KCNT2: variants seen among roughly 807,000 people sequenced by gnomAD.
The protein encoded by KCNT2 is potassium channel subfamily T member 2.
In KCNT2, 67 loss-of-function variants were observed where a neutral mutation model predicts 153.8. That is an observed-to-expected ratio of 0.44 (90% CI 0.36 to 0.53). The LOEUF (loss-of-function observed/expected upper bound fraction) is 0.53. Among genes scored for constraint, KCNT2 ranks in the 20% least tolerant of loss-of-function variants. The pLI, the probability that KCNT2 is intolerant of heterozygous loss-of-function variation, is 0.00. For synonymous variants in KCNT2, 500 were observed against 458.8 expected (o/e 1.09, Z -1.15); for missense variants, 975 against 1,354.8 (o/e 0.72, Z 4.40).
chr1:196,305,087 T>G, intron 22 of KCNT2, 147 bp downstream of exon 22: 1 of 605,860 alleles, frequency 1.7e-6, no homozygotes. Flanking sequence ...TTTAAAAAAA[T>G]TATCAATTAG....
At chr1:196,333,698 GT>G (rs1558157548) in intron 17 of KCNT2, 148 bp downstream of exon 17, 1 of 606,340 alleles carries the variant, frequency 1.6e-6, no homozygotes, top group Non-Finnish European at 2.9e-6. Flanking sequence ...CTAGCAGTGC[GT>G]TTTGGTAGAA....
intron 8 of KCNT2, among the ~76,000 whole-genome samples, chr1:196,456,467 T>C (rs1389973593): frequency 1.3e-5 from 2 of 152,052 alleles, no homozygotes; most frequent in African/African-American, 4.8e-5. Flanking sequence ...TTTACTTCTA[T>C]ATATGTCTTA....
chr1:196,567,861 C>A (rs1660298756), intron 1 of KCNT2, among the ~76,000 whole-genome samples: 1 of 152,188 alleles, frequency 6.6e-6, no homozygotes, highest in African/African-American at 2.4e-5. Flanking sequence ...CTTTCTTTAT[C>A]CAATACTTTG....
At chr1:196,233,616 A>T (rs1654151000) in intron 27 of KCNT2, among the ~76,000 whole-genome samples, 1 of 151,484 alleles carries the variant, frequency 6.6e-6, no homozygotes, top group Non-Finnish European at 1.5e-5. Context: ...TGCTTTCTAG[A>T]CATTTCCTCT....
chr1:196,604,214 A>G (rs527743500), intron 1 of KCNT2, among the ~76,000 whole-genome samples: 1 of 152,340 alleles, frequency 6.6e-6, no homozygotes, highest in Non-Finnish European at 1.5e-5. Flanking sequence ...GAAATTCTAT[A>G]AGGACATCAT....
intron 1 of KCNT2, among the ~76,000 whole-genome samples, chr1:196,493,142 G>T (rs1039808631): frequency 6.6e-6 from 1 of 152,044 alleles, no homozygotes; most frequent in Non-Finnish European, 1.5e-5. Context: ...TCAGTGCAAG[G>T]TAACTTGTAA....
intron 1 of KCNT2, among the ~76,000 whole-genome samples, chr1:196,517,848 G>A (rs1016827624): frequency 6.6e-6 from 1 of 152,180 alleles, no homozygotes; most frequent in Non-Finnish European, 1.5e-5. Context: ...ACATATTTCA[G>A]GATACTGTCC....
intron 26 of KCNT2, among the ~76,000 whole-genome samples, chr1:196,243,966 A>G (rs577433500): frequency 6.6e-6 from 1 of 151,926 alleles, no homozygotes; most frequent in East Asian, 2.0e-4. Flanking sequence ...ACGAAAGAGT[A>G]AAAAGGACTT....
intron 1 of KCNT2, among the ~76,000 whole-genome samples, chr1:196,514,399 C>T (rs1209085870): frequency 6.6e-6 from 1 of 152,046 alleles, no homozygotes; most frequent in Non-Finnish European, 1.5e-5. Flanking sequence ...GAATCCCCAC[C>T]CAGCAATCTT....
chr1:196,384,384 C>T (rs1288389139), intron 13 of KCNT2, among the ~76,000 whole-genome samples: 1 of 151,998 alleles, frequency 6.6e-6, no homozygotes, highest in African/African-American at 2.4e-5. Flanking sequence ...CCTCCCAGAC[C>T]AAAAAAACCC....
intron 12 of KCNT2, among the ~76,000 whole-genome samples, chr1:196,401,374 G>A: frequency 6.6e-6 from 1 of 151,796 alleles, no homozygotes; most frequent in East Asian, 1.9e-4. Flanking sequence ...ATAACCAATA[G>A]ATGGTAGCTA....
intron 1 of KCNT2, among the ~76,000 whole-genome samples, chr1:196,522,563 G>A (rs1653575867): frequency 2.6e-5 from 4 of 152,170 alleles, no homozygotes; most frequent in Non-Finnish European, 5.9e-5. Flanking sequence ...AGAAAAATAA[G>A]CTACTCATAC....
At chr1:196,559,436 T>C (rs1362467232) in intron 1 of KCNT2, among the ~76,000 whole-genome samples, 1 of 151,748 alleles carries the variant, frequency 6.6e-6, no homozygotes, top group Non-Finnish European at 1.5e-5. Flanking sequence ...CTGTTATAAA[T>C]GAACTATGAA....
chr1:196,238,972 T>C (rs1047324035), intron 26 of KCNT2, among the ~76,000 whole-genome samples: 4 of 152,018 alleles, frequency 2.6e-5, no homozygotes, highest in Non-Finnish European at 4.4e-5. Flanking sequence ...GGTTGTTTTC[T>C]AGATATTCTT....
chr1:196,470,456 G>C (rs1677993285), intron 5 of KCNT2, among the ~76,000 whole-genome samples: 1 of 152,316 alleles, frequency 6.6e-6, no homozygotes, highest in East Asian at 1.9e-4. Context: ...CAGTAAGACT[G>C]TGTAGCTGAA....
Position 196,447,770 on chromosome 1 carries a change from G to T in KCNT2, c.638+17523C>A, listed in dbSNP as rs148626722. Among the ~76,000 whole-genome samples the T allele has an allele frequency of 5.3e-5, 8 of 150,572 alleles. No individual in the cohort carries two copies. The East Asian group carries it at 6.0e-4, about 11-fold the overall frequency. On this transcript the variant is annotated intron_variant, in intron 8 of 27. Transcript: ENST00000294725. ...ACAGAGAAGATAGACGAAAAAAGTT[G>T]TCTGGAAAGACAGAAGAATTAACAA...
chr1:196,551,182 C>T (rs910939574), intron 1 of KCNT2, among the ~76,000 whole-genome samples: 5 of 151,804 alleles, frequency 3.3e-5, no homozygotes, highest in Admixed American at 2.6e-4. Flanking sequence ...TAGATATCCT[C>T]TGGGATCATT....
At chr1:196,389,224 T>C (rs1343832022) in intron 13 of KCNT2, among the ~76,000 whole-genome samples, 2 of 151,788 alleles carry the variant, frequency 1.3e-5, no homozygotes, top group Non-Finnish European at 3.0e-5. Context: ...TATTACTGAA[T>C]TGGATTTGCT....
At chr1:196,585,746 A>T (rs984690967) in intron 1 of KCNT2, among the ~76,000 whole-genome samples, 3 of 152,176 alleles carry the variant, frequency 2.0e-5, no homozygotes, top group African/African-American at 4.8e-5. Context: ...TAGGTTTGTC[A>T]GTGTAATTCC....
Sources: gnomAD v4.1 joint callset for allele counts (sites outside exome capture counted in the v4.1 genomes callset) on GRCh38, gnomAD v4.1.1 for gene constraint, MANE v1.5 for transcripts, NCBI Gene and HGNC (gene_info 2026-07-23, HGNC 2026-07-21) for gene names.